The following PPM1H variants were observed in gnomAD, a reference collection of about 807,000 sequenced individuals.
The protein encoded by PPM1H is protein phosphatase, Mg2+/Mn2+ dependent 1H.
PPM1H carries 27 observed loss-of-function variants against 54.9 expected under a neutral mutation model. That is an observed-to-expected ratio of 0.49 (90% CI 0.36 to 0.68). The LOEUF (loss-of-function observed/expected upper bound fraction) is 0.68, where lower values mean the gene tolerates loss of function less well. PPM1H is among the 30% of genes least tolerant of loss of function. The pLI, the probability that PPM1H is intolerant of heterozygous loss-of-function variation, is 0.00. For synonymous variants in PPM1H, 305 were observed against 270.8 expected (o/e 1.13, Z -1.24); for missense variants, 596 against 667.8 (o/e 0.89, Z 1.19).
At chr12:62,863,386 G>A (rs545283336) in intron 1 of PPM1H, among the ~76,000 whole-genome samples, 4 of 152,316 alleles carry the variant, frequency 2.6e-5, no homozygotes, top group Non-Finnish European at 5.9e-5. Context: ...ATTCACAAAT[G>A]TGGACTTTAT....
intron 8 of PPM1H, among the ~76,000 whole-genome samples, chr12:62,676,743 G>A (rs544090363): frequency 7.9e-5 from 12 of 152,190 alleles, no homozygotes; most frequent in Non-Finnish European, 1.3e-4. Flanking sequence ...CCGAGGGGAA[G>A]GGCTGAGGGT....
In PPM1H at chr12:62,801,897, G is replaced by A. The variant is rs760873931; in HGVS notation, c.675C>T (p.Pro225=). Residue 225 remains proline (P), a synonymous_variant, in exon 3 of 10, where the codon CCC becomes CCT. Coordinates refer to ENST00000228705, the MANE Select transcript of PPM1H (RefSeq NM_020700.2). ...GVGAPGSPST[P]PTRFFTEKKI... is the part of the protein sequence containing the mutation. ...TCTTCTCGGTAAAGAAGCGTGTGGGGGGCGTGCTGGGGGAGCCCGGGGCCC... is the reference window on the plus strand; with the variant it reads ...TCTTCTCGGTAAAGAAGCGTGTGGGAGGCGTGCTGGGGGAGCCCGGGGCCC... 1.9e-6 allele frequency: 3 copies of A among 1,613,788 alleles called. No individual in the cohort carries two copies. The highest frequency in any genetic ancestry group is 3.3e-5 in the Admixed American group (2 of 60,018).
chr12:62,888,524 CAGA>C (rs749308465), intron 1 of PPM1H, among the ~76,000 whole-genome samples: 9 of 152,022 alleles, frequency 5.9e-5, no homozygotes, highest in Non-Finnish European at 1.0e-4. Flanking sequence ...CCCAGGAAGA[CAGA>C]AGAAAACCAA....
intron 1 of PPM1H, among the ~76,000 whole-genome samples, chr12:62,915,643 G>A (rs1871598873): frequency 6.6e-6 from 1 of 152,196 alleles, no homozygotes; most frequent in Non-Finnish European, 1.5e-5. Context: ...CCCAGCAAGA[G>A]TCCTAAATAC....
chr12:62,886,114 G>C (rs576099528), intron 1 of PPM1H, among the ~76,000 whole-genome samples: 11 of 152,308 alleles, frequency 7.2e-5, no homozygotes, highest in African/African-American at 2.6e-4. Context: ...TTTCTCACCA[G>C]TGCACTGCCT....
At chr12:62,908,605 T>C (rs553368954) in intron 1 of PPM1H, among the ~76,000 whole-genome samples, 4 of 152,194 alleles carry the variant, frequency 2.6e-5, no homozygotes, top group South Asian at 2.1e-4. Context: ...GGCACAAATA[T>C]GCTGGCTGAG....
intron 3 of PPM1H, among the ~76,000 whole-genome samples, chr12:62,795,484 T>C (rs897083619): frequency 6.6e-6 from 1 of 152,100 alleles, no homozygotes; most frequent in Non-Finnish European, 1.5e-5. Flanking sequence ...TCTTGCTCTG[T>C]CACTCAGGTT....
intron 1 of PPM1H, among the ~76,000 whole-genome samples, chr12:62,923,782 T>A (rs992454220): frequency 2.6e-5 from 4 of 152,176 alleles, no homozygotes; most frequent in Non-Finnish European, 4.4e-5. Context: ...GGCCCCACTG[T>A]GAAAAACCTC....
At chr12:62,710,001 C>T (rs895040235) in intron 6 of PPM1H, among the ~76,000 whole-genome samples, 18 of 151,836 alleles carry the variant, frequency 1.2e-4, no homozygotes, top group Middle Eastern at 3.4e-3. Flanking sequence ...ACCCAGGAAG[C>T]GGAGGTTGCA....
chr12:62,921,630 T>A (rs1030524378), intron 1 of PPM1H, among the ~76,000 whole-genome samples: 1 of 152,188 alleles, frequency 6.6e-6, no homozygotes, highest in Non-Finnish European at 1.5e-5. Flanking sequence ...CATTAAAACT[T>A]GACTCTGAAG....
At chr12:62,800,889 G>A (rs773903925) in intron 3 of PPM1H, among the ~76,000 whole-genome samples, 23 of 152,354 alleles carry the variant, frequency 1.5e-4, no homozygotes, top group Non-Finnish European at 2.5e-4. Context: ...GAGAGCTGTG[G>A]CACTCTCCCG....
intron 1 of PPM1H, among the ~76,000 whole-genome samples, chr12:62,908,417 A>G (rs1332372785): frequency 2.0e-5 from 3 of 149,728 alleles, no homozygotes; most frequent in Non-Finnish European, 4.5e-5. Flanking sequence ...CAAAAAAAAA[A>G]AAAAAAAAGA....
At chr12:62,766,270 G>C (rs1431134438) in intron 4 of PPM1H, among the ~76,000 whole-genome samples, 6 of 152,040 alleles carry the variant, frequency 3.9e-5, no homozygotes, top group Non-Finnish European at 8.8e-5. Flanking sequence ...GCTAGTTCTG[G>C]GCATCTTAAG....
chr12:62,912,228 CA>C (rs1409386516), intron 1 of PPM1H, among the ~76,000 whole-genome samples: 2 of 152,228 alleles, frequency 1.3e-5, no homozygotes, highest in East Asian at 3.8e-4. Flanking sequence ...TATTTCTTCA[CA>C]GTCCCAACTT....
chr12:62,689,630 G>T, intron 8 of PPM1H, 69 bp downstream of exon 8: 2 of 1,141,738 alleles, frequency 1.8e-6, no homozygotes, highest in African/African-American at 1.5e-5. Context: ...TATGGGGTGT[G>T]AGTCACAGGA....
intron 1 of PPM1H, among the ~76,000 whole-genome samples, chr12:62,838,877 C>T (rs573244841): frequency 2.2e-5 from 2 of 89,286 alleles, no homozygotes; most frequent in East Asian, 3.4e-4. Context: ...GCCGAGATCG[C>T]GCCACTGCAC....
intron 6 of PPM1H, among the ~76,000 whole-genome samples, chr12:62,697,211 C>T (rs1179896146): frequency 6.6e-6 from 1 of 151,824 alleles, no homozygotes; most frequent in Non-Finnish European, 1.5e-5. Flanking sequence ...ACTGCAACTT[C>T]TGCCTCCCAG....
intron 2 of PPM1H, among the ~76,000 whole-genome samples, chr12:62,804,676 C>CTTTTTTTTTTTT (rs759291510): frequency 1.5e-4 from 17 of 116,194 alleles, no homozygotes; most frequent in Non-Finnish European, 3.0e-4. Flanking sequence ...CTTTTTTTTT[C>CTTTTTTTTTTTT]TTTTTTTTTT....
chr12:62,775,779 T>C (rs1192417192), intron 4 of PPM1H, among the ~76,000 whole-genome samples: 1 of 152,242 alleles, frequency 6.6e-6, no homozygotes, highest in Non-Finnish European at 1.5e-5. Context: ...CCTCACCTAC[T>C]ACCCCCTCTT....
Sources: gnomAD v4.1 joint callset for allele counts (sites outside exome capture counted in the v4.1 genomes callset) on GRCh38, gnomAD v4.1.1 for gene constraint, MANE v1.5 for transcripts, NCBI Gene and HGNC (gene_info 2026-07-23, HGNC 2026-07-21) for gene names.